Variants in OSBPL10 observed in about 807,000 individuals in gnomAD.
The protein encoded by OSBPL10 is oxysterol binding protein like 10.
Under a neutral mutation model 81.7 loss-of-function variants are expected in OSBPL10, and 49 were observed. That is an observed-to-expected ratio of 0.60 (90% confidence interval 0.48 to 0.76). The LOEUF (loss-of-function observed/expected upper bound fraction) is 0.76. Ranked by LOEUF, OSBPL10 falls within the 30% of genes least tolerant of loss-of-function variation. The pLI is 0.00. For missense variants in OSBPL10, 923 were observed against 987.8 expected (o/e 0.93, Z 0.88); for synonymous variants, 419 against 383.6 (o/e 1.09, Z -1.08).
chr3:31,774,298 G>A (rs1698481430), intron 4 of OSBPL10, among the ~76,000 whole-genome samples: 1 of 152,086 alleles, frequency 6.6e-6, no homozygotes, highest in Non-Finnish European at 1.5e-5. Context: ...TCAGATGGAA[G>A]AAGTTATAGC....
chr3:31,707,380 T>A (rs1202733577), intron 6 of OSBPL10: 1 of 152,146 alleles, frequency 6.6e-6, no homozygotes, highest in African/African-American at 2.4e-5. Flanking sequence ...CCTGAAAACC[T>A]ATATGGCAAG....
At chr3:31,759,029 G>GA (rs1235867685) in intron 4 of OSBPL10, among the ~76,000 whole-genome samples, 4 of 151,814 alleles carry the variant, frequency 2.6e-5, no homozygotes, top group Admixed American at 6.6e-5. Flanking sequence ...GAAGAGTGAA[G>GA]AAAAAAATAT....
intron 2 of OSBPL10, among the ~76,000 whole-genome samples, chr3:32,023,914 C>CCAATTA (rs1699380255): frequency 6.6e-6 from 1 of 151,940 alleles, no homozygotes; most frequent in Non-Finnish European, 1.5e-5. Flanking sequence ...AATAAGTGGG[C>CCAATTA]CAATTACAAG....
At chr3:32,032,456 A>G (rs915853587) in intron 2 of OSBPL10, among the ~76,000 whole-genome samples, 5 of 152,108 alleles carry the variant, frequency 3.3e-5, no homozygotes, top group African/African-American at 1.2e-4. Context: ...AAGTAAAAAG[A>G]AAAATGACAA....
chr3:31,945,471 G>A (rs911713349), intron 1 of OSBPL10, among the ~76,000 whole-genome samples: 1 of 152,186 alleles, frequency 6.6e-6, no homozygotes, highest in Non-Finnish European at 1.5e-5. Context: ...TTTGTTCATT[G>A]TTTTTATTTT....
At chr3:31,901,946 C>T (rs1696254974) in intron 1 of OSBPL10, among the ~76,000 whole-genome samples, 1 of 152,152 alleles carries the variant, frequency 6.6e-6, no homozygotes, top group South Asian at 2.1e-4. Flanking sequence ...AGGAGAACTA[C>T]TTTAACCTAG....
intron 6 of OSBPL10, among the ~76,000 whole-genome samples, chr3:31,713,297 A>C (rs1219364336): frequency 6.6e-6 from 1 of 151,998 alleles, no homozygotes; most frequent in African/African-American, 2.4e-5. Flanking sequence ...GGAACACGCA[A>C]AGGACAGGCT....
intron 3 of OSBPL10, among the ~76,000 whole-genome samples, chr3:31,868,316 A>C (rs888724433): frequency 2.0e-5 from 3 of 152,192 alleles, no homozygotes; most frequent in African/African-American, 7.2e-5. Flanking sequence ...AAGCTGTTAG[A>C]GATGAATTGG....
intron 6 of OSBPL10, among the ~76,000 whole-genome samples, chr3:31,720,853 G>A (rs1379818558): frequency 7.7e-6 from 1 of 129,612 alleles, no homozygotes; most frequent in Non-Finnish European, 1.5e-5. Flanking sequence ...CTGCACTCCA[G>A]CCTGGGCAAC....
intron 1 of OSBPL10, among the ~76,000 whole-genome samples, chr3:31,965,989 T>G (rs1477983496): frequency 8.0e-6 from 1 of 124,298 alleles, no homozygotes; most frequent in Non-Finnish European, 1.6e-5. Flanking sequence ...ATATATTATA[T>G]AAAATATAAT....
At chr3:31,870,203 C>A (rs1157417467) in intron 3 of OSBPL10, among the ~76,000 whole-genome samples, 3 of 152,212 alleles carry the variant, frequency 2.0e-5, no homozygotes, top group Admixed American at 1.3e-4. Flanking sequence ...CTTGGAGGGC[C>A]CCGCACTCCG....
chr3:31,706,015 TATGTTTTAA>T (rs1325161457), intron 6 of OSBPL10, among the ~76,000 whole-genome samples: 1 of 152,164 alleles, frequency 6.6e-6, no homozygotes, highest in East Asian at 1.9e-4. Flanking sequence ...GGAATTAAAA[TATGTTTTAA>T]AGAGAAGCAG....
At chr3:31,697,930 T>C (rs1230971026) in intron 7 of OSBPL10, among the ~76,000 whole-genome samples, 2 of 151,856 alleles carry the variant, frequency 1.3e-5, no homozygotes, top group Admixed American at 6.6e-5. Context: ...GCCCAGCTAA[T>C]TTTTTGTATT....
chr3:31,699,247 C>T (rs1293125594), intron 7 of OSBPL10, among the ~76,000 whole-genome samples: 1 of 152,140 alleles, frequency 6.6e-6, no homozygotes, highest in African/African-American at 2.4e-5. Context: ...CCAAGGCTTC[C>T]CATAGCCCTC....
Position 31,967,155 on chromosome 3 carries a change from GAAA to G in OSBPL10, c.281+13741_281+13743del, listed in dbSNP as rs376018566. 6.3e-3 allele frequency among the ~76,000 whole-genome samples: 937 copies of G among 148,566 alleles called. 12 individuals carry two copies. The highest frequency in any genetic ancestry group is 0.022 in the African/African-American group (879 of 40,702). The stretch of plus-strand genomic sequence containing the variant: ...TCTTGCACATCAAAACCAAGGTCAG[GAAA>G]AAAAAAATCCCATTCCCTCACTGAG... On this transcript the variant is annotated intron_variant, in intron 1 of 11. Coordinates refer to ENST00000396556, the MANE Select transcript of OSBPL10 (RefSeq NM_017784.5).
intron 4 of OSBPL10, among the ~76,000 whole-genome samples, chr3:31,808,397 T>A (rs1383103591): frequency 1.3e-5 from 2 of 152,218 alleles, no homozygotes; most frequent in Non-Finnish European, 2.9e-5. Flanking sequence ...GCCAGTTGCC[T>A]TGGCAACAGT....
rs548610378 is a variant in OSBPL10 at position 31,666,600 on chromosome 3, T to C, written c.2096+2042A>G. 2.0e-5 allele frequency among the ~76,000 whole-genome samples: 3 copies of C among 152,226 alleles called. No homozygotes were observed. In the South Asian group the frequency reaches 6.2e-4, roughly 32 times the overall value. On this transcript the variant is annotated intron_variant, in intron 10 of 11. Transcript: ENST00000396556. ...TTCCTCTGCAGAGAACAAGGATGGG[T>C]GGGCTCAGTATCCCTATACAGCAGT...
upstream of OSBPL10, among the ~76,000 whole-genome samples, chr3:31,985,220 C>T (rs1348810900): frequency 6.6e-6 from 1 of 152,182 alleles, no homozygotes; most frequent in African/African-American, 2.4e-5. Flanking sequence ...GCCTGGGCAA[C>T]AGAGCAAGAC....
At chr3:31,813,068 CTGAAAA>C (rs2125486074) in intron 4 of OSBPL10, among the ~76,000 whole-genome samples, 1 of 152,260 alleles carries the variant, frequency 6.6e-6, no homozygotes, top group South Asian at 2.1e-4. Context: ...AGGAATCTCT[CTGAAAA>C]TAAAAATACA....
Sources: gnomAD v4.1 joint callset for allele counts (sites outside exome capture counted in the v4.1 genomes callset) on GRCh38, gnomAD v4.1.1 for gene constraint, MANE v1.5 for transcripts, NCBI Gene and HGNC (gene_info 2026-07-23, HGNC 2026-07-21) for gene names.